The following AOAH variants were observed in gnomAD, a reference collection of about 807,000 sequenced individuals.
AOAH encodes acyloxyacyl hydrolase (neutrophil).
Under a neutral mutation model 92.2 loss-of-function variants are expected in AOAH, and 64 were observed. The observed-to-expected ratio is 0.69, with a 90% CI of 0.57 to 0.86. The LOEUF (loss-of-function observed/expected upper bound fraction) is 0.86. Ranked by LOEUF, AOAH falls within the 40% of genes least tolerant of loss-of-function variation. The probability of loss-of-function intolerance (pLI) is 0.00; values close to 1 mark genes in which losing one functional copy is unlikely to be tolerated. For synonymous variants in AOAH, 263 were observed against 254.5 expected (o/e 1.03, Z -0.32); for missense variants, 656 against 694.6 (o/e 0.94, Z 0.62).
At chr7:36,665,931 AT>A (rs1795508737) in intron 3 of AOAH, among the ~76,000 whole-genome samples, 3 of 151,968 alleles carry the variant, frequency 2.0e-5, no homozygotes, top group Admixed American at 2.0e-4. Context: ...CTTTTTAAAC[AT>A]TTTTTATTTG....
chr7:36,638,506 TAAAG>T (rs1338924616), intron 4 of AOAH, among the ~76,000 whole-genome samples: 1 of 150,866 alleles, frequency 6.6e-6, no homozygotes, highest in Non-Finnish European at 1.5e-5. Context: ...ATTGCGAATA[TAAAG>T]AGTTAGCTCA....
At chr7:36,611,801 T>C (rs1022466912) in intron 11 of AOAH, among the ~76,000 whole-genome samples, 3 of 152,176 alleles carry the variant, frequency 2.0e-5, no homozygotes, top group Non-Finnish European at 4.4e-5. Flanking sequence ...AACATACTGG[T>C]CCGCAACATT....
chr7:36,618,753 A>G (rs1049511024), intron 9 of AOAH, among the ~76,000 whole-genome samples: 15 of 152,322 alleles, frequency 9.8e-5, no homozygotes, highest in African/African-American at 3.6e-4. Context: ...TAAAGAAGCA[A>G]TTCTCAAGGG....
At chr7:36,648,625 G>T (rs1213865343) in intron 4 of AOAH, among the ~76,000 whole-genome samples, 54 of 140,774 alleles carry the variant, frequency 3.8e-4, no homozygotes, top group African/African-American at 1.3e-3. Context: ...GTTTTTTATG[G>T]TTCCTTTTTT....
chr7:36,515,511 CCA>C (rs1783593979), intron 20 of AOAH, among the ~76,000 whole-genome samples: 1 of 58,304 alleles, frequency 1.7e-5, no homozygotes, highest in South Asian at 9.4e-4. Flanking sequence ...AAACACACCC[CCA>C]AACACCACAC....
At chr7:36,616,796 G>A (rs1430785258) in intron 10 of AOAH, among the ~76,000 whole-genome samples, 1 of 152,118 alleles carries the variant, frequency 6.6e-6, no homozygotes. Context: ...CCCAAATTTT[G>A]GTTCTGGAAA....
chr7:36,527,052 C>A (rs1354975340), intron 19 of AOAH, among the ~76,000 whole-genome samples: 1 of 152,114 alleles, frequency 6.6e-6, no homozygotes, highest in Non-Finnish European at 1.5e-5. Flanking sequence ...GTGGTGCAGA[C>A]AAAGAAAAAG....
chr7:36,576,569 C>G lies in AOAH; in HGVS notation c.1021+5G>C, dbSNP rs199660697. The G allele has an allele frequency of 6.6e-7, 1 of 1,526,022 alleles. No individual in the cohort carries two copies. The highest frequency in any genetic ancestry group is 1.4e-5 in the African/African-American group (1 of 71,762). The allele number at this position is 1,526,022 out of a possible 1,614,324, so 94.5% of individuals were successfully genotyped here. The stretch of plus-strand genomic sequence containing the variant: ...TGATGAAGGCTTAAATGGAAAGTTA[C>G]GTACCATTTCTTGAAATATTCTGGT... On this transcript the variant is annotated splice_donor_5th_base_variant and intron_variant, in intron 13 of 20. Transcript: ENST00000617537.
chr7:36,562,221 G>T (rs1228230647), intron 13 of AOAH, among the ~76,000 whole-genome samples: 1 of 152,100 alleles, frequency 6.6e-6, no homozygotes, highest in Non-Finnish European at 1.5e-5. Flanking sequence ...AACATTTTGT[G>T]TCTCTCTCCT....
intron 13 of AOAH, among the ~76,000 whole-genome samples, chr7:36,565,133 G>A (rs151034934): frequency 5.7e-4 from 87 of 152,274 alleles, no homozygotes; most frequent in Non-Finnish European, 2.9e-4. Flanking sequence ...TCTAGGCATT[G>A]AGTATATCTA....
rs778323614 is a variant in AOAH at position 36,686,814 on chromosome 7, C to T, written c.128-20G>A. 2 of 1,493,330 alleles carry T rather than the reference C, an allele frequency of 1.3e-6. No homozygotes were observed. The highest frequency in any genetic ancestry group is 2.2e-5 in the Admixed American group (1 of 45,682). 92.5% of individuals were successfully genotyped at this position (1,493,330 alleles called of 1,614,324 possible). A position where few individuals can be genotyped will look rare whatever the true frequency, so the allele number is the denominator to read the frequency against. ...CACACCCTGCCAGGGAGGAGAAGAA[C>T]ATGTAATCTGTGTCACACAGAAAAC... On this transcript the variant is annotated intron_variant, in intron 1 of 20. Transcript: ENST00000617537.
At chr7:36,647,798 A>G (rs1486265120) in intron 4 of AOAH, among the ~76,000 whole-genome samples, 1 of 152,018 alleles carries the variant, frequency 6.6e-6, no homozygotes, top group Non-Finnish European at 1.5e-5. Context: ...ATAAATCCAG[A>G]CATAGCATTC....
chr7:36,650,991 G>A (rs1044475398), intron 4 of AOAH, among the ~76,000 whole-genome samples: 1 of 152,202 alleles, frequency 6.6e-6, no homozygotes. Context: ...GCCATGCAGG[G>A]AACTGGGAGT....
At chr7:36,666,298 G>A (rs1795527264) in intron 3 of AOAH, among the ~76,000 whole-genome samples, 1 of 151,884 alleles carries the variant, frequency 6.6e-6, no homozygotes, top group Admixed American at 6.6e-5. Context: ...CAAGGAATTG[G>A]CCCATTTCCT....
chr7:36,631,576 G>A (rs901609513), intron 6 of AOAH, among the ~76,000 whole-genome samples: 1 of 152,190 alleles, frequency 6.6e-6, no homozygotes, highest in African/African-American at 2.4e-5. Flanking sequence ...CTATGTATCT[G>A]AGCCAGATTT....
chr7:36,532,552 C>G (rs1036183795), intron 16 of AOAH, among the ~76,000 whole-genome samples: 10 of 152,130 alleles, frequency 6.6e-5, no homozygotes, highest in Non-Finnish European at 1.0e-4. Context: ...AGGAGGAGCC[C>G]TGAGGAACTC....
intron 1 of AOAH, among the ~76,000 whole-genome samples, chr7:36,719,719 C>A (rs547659469): frequency 3.3e-5 from 5 of 151,990 alleles, no homozygotes; most frequent in Non-Finnish European, 4.4e-5. Context: ...TTGCTTGGGC[C>A]CAGAAGTTTG....
At chr7:36,523,629 G>GTTTTTTTTTTTTTTTTTTTTTTTTT (rs57628897) in intron 19 of AOAH, among the ~76,000 whole-genome samples, 1 of 100,138 alleles carries the variant, frequency 1.0e-5, no homozygotes, top group African/African-American at 4.1e-5. Flanking sequence ...TGTTTTGCCT[G>GTTTTTTTTTTTTTTTTTTTTTTTTT]TTTTTTTTTT....
intron 4 of AOAH, among the ~76,000 whole-genome samples, chr7:36,643,237 C>T (rs35334327): frequency 0.38 from 57,284 of 151,964 alleles, 11,347 homozygotes; most frequent in African/African-American, 0.48. Flanking sequence ...CAATTTAACC[C>T]AGGCCAGTCT....
Sources: allele counts gnomAD v4.1 joint callset (sites outside exome capture counted in the v4.1 genomes callset), GRCh38; gene constraint gnomAD v4.1.1; transcripts MANE v1.5; gene names NCBI Gene and HGNC (gene_info 2026-07-23, HGNC 2026-07-21).